DRG2: variants seen among roughly 807,000 people sequenced by gnomAD.
DRG2 encodes the protein developmentally-regulated GTP-binding protein 2.
Under a neutral mutation model 53.4 loss-of-function variants are expected in DRG2, and 36 were observed. The ratio of observed to expected loss-of-function variants is 0.67; its 90% CI spans 0.52 to 0.89. The LOEUF is 0.89. Among genes scored for constraint, DRG2 ranks in the 40% least tolerant of loss-of-function variants. The probability of loss-of-function intolerance (pLI) is 0.00; values close to 1 mark genes in which losing one functional copy is unlikely to be tolerated. For synonymous variants in DRG2, 167 were observed against 192.1 expected (o/e 0.87, Z 1.08); for missense variants, 342 against 481.2 (o/e 0.71, Z 2.71).
intron 11 of DRG2, among the ~76,000 whole-genome samples, chr17:18,105,054 C>T (rs1374103900): frequency 2.0e-5 from 3 of 152,160 alleles, no homozygotes; most frequent in Admixed American, 1.3e-4. Context: ...CAGCTTAACA[C>T]AGAGGTCAGG....
chr17:18,104,531 C>A, intron 10 of DRG2, 92 bp from the exon 11 acceptor site: 7 of 1,591,666 alleles, frequency 4.4e-6, no homozygotes, highest in South Asian at 1.1e-5. Flanking sequence ...ACCGAAAGGG[C>A]CTCTGTGGCC....
chr17:18,107,081 C>A, intron 12 of DRG2, 73 bp from the exon 13 acceptor site: 2 of 1,414,162 alleles, frequency 1.4e-6, no homozygotes, highest in Non-Finnish European at 2.0e-6. Context: ...AGGACACACA[C>A]GCCCAGGGAT....
chr17:18,095,767 T>C (rs2045424926), intron 2 of DRG2: 1 of 152,216 alleles, frequency 6.6e-6, no homozygotes, highest in Admixed American at 6.5e-5. Flanking sequence ...AATACAGAGT[T>C]CCCATATACC....
chr17:18,099,449 C>T lies in DRG2; in HGVS notation c.377-184C>T, dbSNP rs566951723. 20 of 679,120 alleles carry T rather than the reference C, an allele frequency of 2.9e-5. No individual in the cohort carries two copies. The highest frequency in any genetic ancestry group is 2.6e-4 in the South Asian group (15 of 57,062). 42.1% of individuals were successfully genotyped at this position (679,120 alleles called of 1,614,324 possible). ...GTTACTCCTTTTATGATGGTGGTGT[C>T]GGATTTTCTTCTGAAATAAGTCTCC... On this transcript the variant is annotated intron_variant, in intron 4 of 12. Coordinates refer to ENST00000225729, the MANE Select transcript of DRG2 (RefSeq NM_001388.5). The surrounding 1 kb of genome is among the most constrained non-coding windows in gnomAD (Gnocchi z 4.4).
rs1370990339 is a variant in DRG2 at position 18,087,994 on chromosome 17, G to A, written c.-30G>A. 3 of 1,544,406 alleles carry A rather than the reference G, an allele frequency of 1.9e-6. No individual in the cohort carries two copies. The highest frequency in any genetic ancestry group is 1.4e-5 in the African/African-American group (1 of 72,666). On this transcript the variant is annotated 5_prime_UTR_variant, in exon 1 of 13. Coordinates refer to ENST00000225729, the MANE Select transcript of DRG2 (RefSeq NM_001388.5). The stretch of plus-strand genomic sequence containing the variant: ...CGGAATTGCCGGTGCCGCCGCCACC[G>A]CTGTCTGTGCGCCCACCTCTGCTGC...
At chr17:18,102,205 A>T (rs2045550190) in intron 9 of DRG2, among the ~76,000 whole-genome samples, 1 of 152,254 alleles carries the variant, frequency 6.6e-6, no homozygotes, top group African/African-American at 2.4e-5. Context: ...GGTCCCCTTC[A>T]TAGCTGCTGG....
rs779350715 is a variant in DRG2, at chr17:18,100,529, C to T, written c.541-40C>T. The T allele has an allele frequency of 6.2e-7, 1 of 1,613,468 alleles. No individual in the cohort carries two copies. Among genetic ancestry groups the T allele is most frequent in the Non-Finnish European group, 8.5e-7 (1 of 1,179,386 alleles). ...GGCTGTGGGACCATTGCTGTGACCC[C>T]TCGGTCAGCAGTTCTCCCCATCCCT... On this transcript the variant is annotated intron_variant, in intron 6 of 12. Coordinates refer to ENST00000225729, the MANE Select transcript of DRG2 (RefSeq NM_001388.5). This position sits in a 1 kb window ranked among gnomAD's most constrained non-coding sequence, Gnocchi z 4.1.
rs854814 is a variant in DRG2, at chr17:18,100,334, G to T, written c.468-29G>T. 1 of 1,612,530 alleles carries T rather than the reference G, an allele frequency of 6.2e-7. No individual in the cohort carries two copies. Among genetic ancestry groups the T allele is most frequent in the African/African-American group, 1.3e-5 (1 of 74,942 alleles). ...GTGCATCTGGCTCTGTGGACAGCCT[G>T]TGAGGGGCTTAAGGGGTACTCTTCC... On this transcript the variant is annotated intron_variant, in intron 5 of 12. Transcript: ENST00000225729. The surrounding 1 kb of genome is among the most constrained non-coding windows in gnomAD (Gnocchi z 4.1).
Position 18,107,660 on chromosome 17 carries a change from C to A in DRG2, c.*420C>A. On this transcript the variant is annotated 3_prime_UTR_variant, in exon 13 of 13. Transcript: ENST00000225729. Reference sequence around the variant, plus strand: ...GGCACCTCACTCCCTCAGCTCTTGCCAGCTTCTCTGACACTTGGGTTGGGG... The same window carrying A: ...GGCACCTCACTCCCTCAGCTCTTGCAAGCTTCTCTGACACTTGGGTTGGGG... 4.9e-6 allele frequency: 1 copy of A among 205,792 alleles called. No homozygotes were observed. Among genetic ancestry groups the A allele is most frequent in the Non-Finnish European group, 1.0e-5 (1 of 99,700 alleles). 12.7% of individuals were successfully genotyped at this position (205,792 alleles called of 1,614,324 possible). A position where few individuals can be genotyped will look rare whatever the true frequency, so the allele number is the denominator to read the frequency against.
chr17:18,106,863 A>C (rs1371804197), intron 12 of DRG2, among the ~76,000 whole-genome samples: 1 of 151,512 alleles, frequency 6.6e-6, no homozygotes, highest in Non-Finnish European at 1.5e-5. Context: ...CTAATTTTTC[A>C]TGGAGACAAG....
intron 1 of DRG2, among the ~76,000 whole-genome samples, chr17:18,089,242 G>A (rs767307612): frequency 1.3e-5 from 2 of 152,166 alleles, no homozygotes; most frequent in Admixed American, 6.5e-5. Context: ...AGGTTCAAGC[G>A]ATTCTCCTGC....
chr17:18,096,286 T>C (rs2045432617), intron 2 of DRG2: 1 of 152,186 alleles, frequency 6.6e-6, no homozygotes, highest in Non-Finnish European at 1.5e-5. Context: ...CATCGCCTCC[T>C]TGAGGGGAGC....
chr17:18,102,892 G>T (rs1329644905), intron 9 of DRG2, among the ~76,000 whole-genome samples: 1 of 152,210 alleles, frequency 6.6e-6, no homozygotes, highest in Non-Finnish European at 1.5e-5. Context: ...CTTTGGGGCA[G>T]ACTGATTCAG....
At position 18,103,645 on chromosome 17, in the gene DRG2, C is replaced by T. The variant is rs963320897; in HGVS notation, c.807-156C>T. The stretch of plus-strand genomic sequence containing the variant: ...TGCCCAGAGGCACTGGCAGCAGAAA[C>T]ATCAGGCTGCCATCATAGTAATGGG... On this transcript the variant is annotated intron_variant, in intron 9 of 12. Transcript: ENST00000225729. This position sits in a 1 kb window ranked among gnomAD's most constrained non-coding sequence, Gnocchi z 4.4. Among the ~76,000 whole-genome samples, 6 of 152,144 alleles carry T rather than the reference C, an allele frequency of 3.9e-5. No individual in the cohort carries two copies. The South Asian group carries it at 1.0e-3, about 26-fold the overall frequency.
chr17:18,103,752 T>C lies in DRG2; in HGVS notation c.807-49T>C. 6 of 1,570,256 alleles carry C rather than the reference T, an allele frequency of 3.8e-6. No individual in the cohort carries two copies. The highest frequency in any genetic ancestry group is 5.3e-6 in the Non-Finnish European group (6 of 1,140,546). On this transcript the variant is annotated intron_variant, in intron 9 of 12. Coordinates refer to ENST00000225729, the MANE Select transcript of DRG2 (RefSeq NM_001388.5). This position sits in a 1 kb window ranked among gnomAD's most constrained non-coding sequence, Gnocchi z 4.4. Reference sequence around the variant, plus strand: ...ATAGTGAGAAGTGGAGACCCCAGCCTCTGAATTCACAGGGGCCCCTGCCTG... The same window carrying C: ...ATAGTGAGAAGTGGAGACCCCAGCCCCTGAATTCACAGGGGCCCCTGCCTG...
chr17:18,106,486 G>A lies in DRG2; in HGVS notation c.1008G>A (p.Trp336Ter). 2 of 1,613,896 alleles carry A rather than the reference G, an allele frequency of 1.2e-6. No homozygotes were observed. Among genetic ancestry groups the A allele is most frequent in the Non-Finnish European group, 1.7e-6 (2 of 1,179,890 alleles). Residue 336 changes from tryptophan (W) to a stop codon, truncating the protein, a stop_gained and splice_region_variant, in exon 12 of 13, where the codon TGG becomes TGA. Transcript: ENST00000225729. LOFTEE classifies it high-confidence loss of function. ...GCCAGTTCAAGTACGCCCTGGTGTGGGTGAGTCTCTGGGTGGAAAGCAACC... is the reference window on the plus strand; with the variant it reads ...GCCAGTTCAAGTACGCCCTGGTGTGAGTGAGTCTCTGGGTGGAAAGCAACC... ...LASQFKYALV[W>*]GTSTKYSPQR...
chr17:18,099,860 C>A lies in DRG2; in HGVS notation c.467+137C>A. 1 of 807,538 alleles carries A rather than the reference C, an allele frequency of 1.2e-6. No individual in the cohort carries two copies. The highest frequency in any genetic ancestry group is 2.0e-6 in the Non-Finnish European group (1 of 496,838). The allele number at this position is 807,538 out of a possible 1,614,324, so 50.0% of individuals were successfully genotyped here. ...TGGTAGGACTTGTCACAGACTAAAC[C>A]CAACACCACCCAGCCTATGGCGTCT... On this transcript the variant is annotated intron_variant, in intron 5 of 12. Transcript: ENST00000225729. The surrounding 1 kb of genome is among the most constrained non-coding windows in gnomAD (Gnocchi z 4.4).
chr17:18,096,453 C>G (rs2045435517), intron 2 of DRG2: 1 of 152,174 alleles, frequency 6.6e-6, no homozygotes. Context: ...TTTTGCTGCT[C>G]AAATCTTTTT....
chr17:18,093,614 G>C (rs934606088), intron 1 of DRG2, among the ~76,000 whole-genome samples, 199 bp from the exon 2 acceptor site: 2 of 152,138 alleles, frequency 1.3e-5, no homozygotes, highest in Non-Finnish European at 1.5e-5. Context: ...CACTGCGCCC[G>C]GTCTAAGAGA....
Sources: allele counts gnomAD v4.1 joint callset (sites outside exome capture counted in the v4.1 genomes callset), GRCh38; gene constraint gnomAD v4.1.1; non-coding constraint Gnocchi (gnomAD v3.1); transcripts MANE v1.5; gene names NCBI Gene and HGNC (gene_info 2026-07-23, HGNC 2026-07-21).